The following ARID1B variants were observed in gnomAD, a reference collection of about 807,000 sequenced individuals.
The protein encoded by ARID1B is AT-rich interaction domain 1B.
A neutral mutation model predicts 212.3 loss-of-function variants in ARID1B; 30 were observed. The observed-to-expected ratio is 0.14, with a 90% confidence interval of 0.11 to 0.19. ARID1B has a LOEUF of 0.19. Among genes scored for constraint, ARID1B ranks in the 10% least tolerant of loss-of-function variants. ARID1B has a pLI of 1.00. For synonymous variants in ARID1B, 1,402 were observed against 1,301.7 expected (o/e 1.08, Z -1.66); for missense variants, 2,891 against 3,204.0 (o/e 0.90, Z 2.36).
At chr6:157,093,652 A>T (rs888469269) in intron 5 of ARID1B, among the ~76,000 whole-genome samples, 3 of 152,236 alleles carry the variant, frequency 2.0e-5, no homozygotes, top group African/African-American at 7.2e-5. Flanking sequence ...AGAAAGTGAC[A>T]TGGGAGTTTG....
chr6:156,977,495 A>C (rs774683517), intron 4 of ARID1B, among the ~76,000 whole-genome samples: 6 of 152,180 alleles, frequency 3.9e-5, no homozygotes, highest in Non-Finnish European at 4.4e-5. Flanking sequence ...ATAGCTTTAG[A>C]AGTTCAATTT....
intron 8 of ARID1B, among the ~76,000 whole-genome samples, chr6:157,158,722 C>A (rs1214603082): frequency 1.3e-5 from 2 of 152,170 alleles, no homozygotes; most frequent in African/African-American, 4.8e-5. Flanking sequence ...CCCCTTTATA[C>A]CTTGTGACCT....
rs138389904 is a variant in ARID1B at position 157,187,301 on chromosome 6, A to T, written c.3920-2341A>T. Among the ~76,000 whole-genome samples, 67 of 152,126 alleles carry T rather than the reference A, an allele frequency of 4.4e-4. No homozygotes were observed. The East Asian group carries it at 0.011, about 25-fold the overall frequency. On this transcript the variant is annotated intron_variant, in intron 13 of 19. Coordinates refer to ENST00000636930, the MANE Select transcript of ARID1B (RefSeq NM_001374828.1). ...TCGGTTAATAAGTCTGTAACCAAAAACCCATCCATCTTGGCTGGCAGGTGG... is the reference window on the plus strand; with the variant it reads ...TCGGTTAATAAGTCTGTAACCAAAATCCCATCCATCTTGGCTGGCAGGTGG...
At chr6:157,013,600 G>GTGTTTTC (rs2128459267) in intron 4 of ARID1B, among the ~76,000 whole-genome samples, 1 of 152,284 alleles carries the variant, frequency 6.6e-6, no homozygotes, top group Non-Finnish European at 1.5e-5. Context: ...TGTGTGTTTT[G>GTGTTTTC]TGTTTTGCTC....
At chr6:156,998,707 A>G (rs964286608) in intron 4 of ARID1B, among the ~76,000 whole-genome samples, 2 of 152,182 alleles carry the variant, frequency 1.3e-5, no homozygotes, top group African/African-American at 2.4e-5. Context: ...TGGAAGCAAC[A>G]CCACACATGA....
At chr6:157,182,001 A>C (rs147114393) in intron 12 of ARID1B, among the ~76,000 whole-genome samples, 1 of 152,346 alleles carries the variant, frequency 6.6e-6, no homozygotes, top group Non-Finnish European at 1.5e-5. Flanking sequence ...TAATCCCAGC[A>C]CTTTGGGAAG....
intron 4 of ARID1B, chr6:156,936,900 A>G (rs530643214): frequency 2.0e-5 from 3 of 152,316 alleles, no homozygotes; most frequent in East Asian, 3.9e-4. Context: ...CATGCGTACC[A>G]TACCATATAC....
Position 157,206,049 on chromosome 6 carries a change from A to G in ARID1B, c.5395-118A>G. 2.6e-6 allele frequency: 3 copies of G among 1,152,680 alleles called. No individual in the cohort carries two copies. The South Asian group carries it at 4.5e-5, about 17-fold the overall frequency. 71.4% of individuals were successfully genotyped at this position (1,152,680 alleles called of 1,614,324 possible). ...ATGGTCCAGCCAAAAAGGGAGACAA[A>G]CGTGTGACAATGATGGAAAGGTATT... On this transcript the variant is annotated intron_variant, in intron 19 of 19. Coordinates refer to ENST00000636930, the MANE Select transcript of ARID1B (RefSeq NM_001374828.1). The surrounding 1 kb of genome is among the most constrained non-coding windows in gnomAD (Gnocchi z 6.8).
At chr6:156,906,029 G>A (rs528350086) in intron 3 of ARID1B, among the ~76,000 whole-genome samples, 2 of 152,274 alleles carry the variant, frequency 1.3e-5, no homozygotes, top group South Asian at 4.1e-4. Flanking sequence ...TTAGGTGGCT[G>A]CAGGCCAGGG....
intron 4 of ARID1B, among the ~76,000 whole-genome samples, chr6:157,080,368 C>T (rs891598295): frequency 4.6e-5 from 7 of 152,144 alleles, no homozygotes; most frequent in South Asian, 2.1e-4. Context: ...AGCTAACTTA[C>T]GCTAAATTGA....
chr6:156,829,128 G>T (rs1782961281), intron 1 of ARID1B, 99 bp from the exon 2 acceptor site: 1 of 961,338 alleles, frequency 1.0e-6, no homozygotes, highest in Admixed American at 2.4e-5. Flanking sequence ...TAAAACTTAA[G>T]GATAGTTGTG....
intron 4 of ARID1B, among the ~76,000 whole-genome samples, chr6:156,966,607 C>T (rs968969590): frequency 1.2e-4 from 19 of 152,112 alleles, no homozygotes; most frequent in African/African-American, 4.1e-4. Flanking sequence ...GTTGGCCACG[C>T]TGGTCTGGAA....
Position 157,190,120 on chromosome 6 carries a change from G to T in ARID1B, c.4141G>T (p.Ala1381Ser). The T allele has an allele frequency of 6.2e-7, 1 of 1,614,118 alleles. No individual in the cohort carries two copies. The highest frequency in any genetic ancestry group is 1.3e-5 in the African/African-American group (1 of 75,040). Residue 1381 changes from alanine (A) to serine (S), a missense_variant, in exon 15 of 20, where the codon GCC (alanine) becomes TCC (serine). Coordinates refer to ENST00000636930, the MANE Select transcript of ARID1B (RefSeq NM_001374828.1). The surrounding 1 kb of genome is among the most constrained non-coding windows in gnomAD (Gnocchi z 4.6). ...GAAACGGAACTCCATGACTCCAAAC[G>T]CCCCCTACCAGCAGGGCATGAGCAT... ...FPKRNSMTPNAPYQQGMSMPD... is the reference protein window; with the variant it reads ...FPKRNSMTPNSPYQQGMSMPD...
intron 1 of ARID1B, among the ~76,000 whole-genome samples, chr6:156,819,815 T>C (rs1297812690): frequency 6.6e-6 from 1 of 152,188 alleles, no homozygotes; most frequent in African/African-American, 2.4e-5. Context: ...GGACATGACG[T>C]TGGAGCTGAG....
intron 4 of ARID1B, chr6:156,942,046 A>C (rs1792714111): frequency 6.6e-6 from 1 of 152,222 alleles, no homozygotes; most frequent in Non-Finnish European, 1.5e-5. Context: ...AAACTTTTTC[A>C]TATAGTATTC....
At chr6:157,099,702 T>A (rs1170591244) in intron 5 of ARID1B, among the ~76,000 whole-genome samples, 1 of 152,180 alleles carries the variant, frequency 6.6e-6, no homozygotes, top group African/African-American at 2.4e-5. Context: ...AGCTAATCTA[T>A]CTTCAAGCCT....
chr6:157,100,366 G>C (rs572833999), intron 5 of ARID1B, among the ~76,000 whole-genome samples: 1 of 152,342 alleles, frequency 6.6e-6, no homozygotes, highest in African/African-American at 2.4e-5. Context: ...ACGCACTTCA[G>C]ATAAACTGTT....
chr6:156,883,693 AC>A (rs779627508), intron 2 of ARID1B, among the ~76,000 whole-genome samples: 5 of 151,496 alleles, frequency 3.3e-5, no homozygotes, highest in Non-Finnish European at 7.4e-5. Flanking sequence ...CCATCTCTTC[AC>A]CTTTCCTTGC....
chr6:156,830,194 G>T (rs1374475071), intron 2 of ARID1B, among the ~76,000 whole-genome samples: 1 of 152,178 alleles, frequency 6.6e-6, no homozygotes, highest in African/African-American at 2.4e-5. Flanking sequence ...ATTCAAACTT[G>T]TTAGGGTATT....
Sources: allele counts gnomAD v4.1 joint callset (sites outside exome capture counted in the v4.1 genomes callset), GRCh38; gene constraint gnomAD v4.1.1; non-coding constraint Gnocchi (gnomAD v3.1); transcripts MANE v1.5; gene names NCBI Gene and HGNC (gene_info 2026-07-23, HGNC 2026-07-21).